DSCAM: variants seen among roughly 807,000 people sequenced by gnomAD.
The protein encoded by DSCAM is DS cell adhesion molecule, also known as cell adhesion molecule DSCAM.
Under a neutral mutation model 217.7 loss-of-function variants are expected in DSCAM, and 47 were observed. The ratio of observed to expected loss-of-function variants is 0.22; its 90% CI spans 0.17 to 0.28. The LOEUF (loss-of-function observed/expected upper bound fraction) is 0.28, where lower values mean the gene tolerates loss of function less well. Ranked by LOEUF, DSCAM falls within the 10% of genes least tolerant of loss-of-function variation. DSCAM has a pLI of 1.00. For missense variants in DSCAM, 2,080 were observed against 2,618.3 expected (o/e 0.79, Z 4.49); for synonymous variants, 1,056 against 1,015.3 (o/e 1.04, Z -0.76).
At chr21:40,543,300 G>A (rs2076556165) in intron 3 of DSCAM, among the ~76,000 whole-genome samples, 2 of 152,110 alleles carry the variant, frequency 1.3e-5, no homozygotes, top group Non-Finnish European at 2.9e-5. Flanking sequence ...CCTGATTCCA[G>A]CAATCAATTA....
intron 28 of DSCAM, among the ~76,000 whole-genome samples, chr21:40,061,556 CA>C (rs1310210681): frequency 8.2e-6 from 1 of 121,282 alleles, no homozygotes; most frequent in Non-Finnish European, 1.7e-5. Flanking sequence ...GCGACAAGAG[CA>C]AAACTCTGTC....
chr21:40,816,648 C>A (rs1295074904), intron 1 of DSCAM, among the ~76,000 whole-genome samples: 1 of 152,172 alleles, frequency 6.6e-6, no homozygotes, highest in African/African-American at 2.4e-5. Flanking sequence ...GGAGGAAAGA[C>A]TGGTGCTGCG....
intron 3 of DSCAM, among the ~76,000 whole-genome samples, chr21:40,554,174 T>C (rs1252172601): frequency 6.6e-6 from 1 of 151,508 alleles, no homozygotes; most frequent in Non-Finnish European, 1.5e-5. Flanking sequence ...TCACCATGCC[T>C]GGCTGTTTGT....
At chr21:40,577,793 A>G (rs537372804) in intron 3 of DSCAM, among the ~76,000 whole-genome samples, 21 of 152,332 alleles carry the variant, frequency 1.4e-4, no homozygotes, top group Non-Finnish European at 2.5e-4. Flanking sequence ...TCCAGGTGCA[A>G]GGGCTTTAAG....
intron 3 of DSCAM, among the ~76,000 whole-genome samples, chr21:40,394,505 G>A (rs1293452272): frequency 6.6e-6 from 1 of 152,218 alleles, no homozygotes; most frequent in African/African-American, 2.4e-5. Context: ...CAATGCATCT[G>A]ACTGCGTTTT....
intron 18 of DSCAM, among the ~76,000 whole-genome samples, chr21:40,138,465 AG>A: frequency 1.0e-5 from 1 of 98,304 alleles, no homozygotes; most frequent in African/African-American, 4.0e-5. Flanking sequence ...TGTGTGGTGT[AG>A]TGTGTGGTGT....
At chr21:40,207,998 C>T (rs1013200158) in intron 11 of DSCAM, among the ~76,000 whole-genome samples, 1 of 152,200 alleles carries the variant, frequency 6.6e-6, no homozygotes, top group Non-Finnish European at 1.5e-5. Context: ...TCTTCAAATA[C>T]AGTCACAGCA....
intron 32 of DSCAM, among the ~76,000 whole-genome samples, chr21:40,037,940 G>A (rs1040182711): frequency 5.4e-5 from 8 of 147,048 alleles, no homozygotes; most frequent in Admixed American, 4.8e-4. Context: ...TTAATAAATG[G>A]TGCTGGGAAA....
chr21:40,043,277 C>G (rs2088786812), intron 31 of DSCAM, among the ~76,000 whole-genome samples: 1 of 152,174 alleles, frequency 6.6e-6, no homozygotes, highest in Non-Finnish European at 1.5e-5. Flanking sequence ...GCCACGCCAT[C>G]TTGGTCAGGG....
At chr21:40,767,880 T>TTTTCTC (rs1555887114) in intron 1 of DSCAM, among the ~76,000 whole-genome samples, 2 of 45,930 alleles carry the variant, frequency 4.4e-5, no homozygotes, top group African/African-American at 3.1e-4. Flanking sequence ...GCTCACCATT[T>TTTTCTC]TCTCTCTTTC....
At chr21:40,129,560 T>A (rs945403323) in intron 19 of DSCAM, among the ~76,000 whole-genome samples, 1 of 152,118 alleles carries the variant, frequency 6.6e-6, no homozygotes, top group Non-Finnish European at 1.5e-5. Flanking sequence ...GAACCTAGTT[T>A]GGGATCCACT....
chr21:40,649,637 A>AC (rs946576497), intron 3 of DSCAM, among the ~76,000 whole-genome samples: 1 of 86,832 alleles, frequency 1.2e-5, no homozygotes, highest in African/African-American at 3.5e-5. Context: ...GCAGGGGTGG[A>AC]AAAAAACATG....
intron 3 of DSCAM, among the ~76,000 whole-genome samples, chr21:40,576,691 A>AAT (rs1188624066): frequency 1.3e-5 from 2 of 151,938 alleles, no homozygotes; most frequent in Admixed American, 6.6e-5. Context: ...TAATACTTAT[A>AAT]ATATATATAT....
At chr21:40,393,533 A>AT (rs2075152560) in intron 3 of DSCAM, among the ~76,000 whole-genome samples, 1 of 152,120 alleles carries the variant, frequency 6.6e-6, no homozygotes, top group African/African-American at 2.4e-5. Context: ...TTTAACTTAC[A>AT]TTTTTTTCTG....
At chr21:40,622,061 T>C (rs1466663441) in intron 3 of DSCAM, among the ~76,000 whole-genome samples, 1 of 151,966 alleles carries the variant, frequency 6.6e-6, no homozygotes, top group African/African-American at 2.4e-5. Flanking sequence ...GATGACAAAA[T>C]TTCTAGAAAA....
chr21:40,813,043 G>T (rs1031287107), intron 1 of DSCAM, among the ~76,000 whole-genome samples: 3 of 152,204 alleles, frequency 2.0e-5, no homozygotes, highest in Non-Finnish European at 4.4e-5. Flanking sequence ...TATAGGCAGG[G>T]AGATAAGTAA....
chr21:40,760,189 T>C (rs1302620714), intron 1 of DSCAM, among the ~76,000 whole-genome samples: 2 of 151,824 alleles, frequency 1.3e-5, no homozygotes, highest in Non-Finnish European at 2.9e-5. Context: ...ATTTTTATTG[T>C]TTTTAGTAGA....
At chr21:40,361,677 T>C (rs1389681394) in intron 4 of DSCAM, among the ~76,000 whole-genome samples, 1 of 152,220 alleles carries the variant, frequency 6.6e-6, no homozygotes, top group Admixed American at 6.5e-5. Flanking sequence ...AGCTATGTCA[T>C]TTTATCATTA....
At chr21:40,668,715 G>C (rs1436397740) in intron 3 of DSCAM, among the ~76,000 whole-genome samples, 4 of 152,260 alleles carry the variant, frequency 2.6e-5, no homozygotes, top group East Asian at 1.9e-4. Context: ...AACTTTATCT[G>C]TTGAATTAAT....
Sources: gnomAD v4.1 joint callset for allele counts (sites outside exome capture counted in the v4.1 genomes callset) on GRCh38, gnomAD v4.1.1 for gene constraint, MANE v1.5 for transcripts, NCBI Gene and HGNC (gene_info 2026-07-23, HGNC 2026-07-21) for gene names.